Variants in TAS2R1 observed in about 807,000 individuals in gnomAD.
TAS2R1 encodes taste 2 receptor member 1.
For synonymous variants in TAS2R1, 141 were observed against 134.2 expected (o/e 1.05, Z -0.35); for missense variants, 370 against 353.4 (o/e 1.05, Z -0.38).
the TAS2R1 span, among the ~76,000 whole-genome samples, chr5:9,728,710 C>T: frequency 6.6e-6 from 1 of 152,136 alleles, no homozygotes; most frequent in Non-Finnish European, 1.5e-5. Flanking sequence ...GAGAGCGAAA[C>T]CCAAGGGCAA....
the TAS2R1 span, among the ~76,000 whole-genome samples, chr5:9,899,443 C>T: frequency 1.3e-5 from 2 of 152,068 alleles, no homozygotes; most frequent in Non-Finnish European, 2.9e-5. Flanking sequence ...TCAAGACCAG[C>T]CTAACCAATA....
chr5:9,865,262 C>G, the TAS2R1 span, among the ~76,000 whole-genome samples: 1 of 152,120 alleles, frequency 6.6e-6, no homozygotes, highest in Non-Finnish European at 1.5e-5. Flanking sequence ...CTAGTGATAT[C>G]CAGGATGTAA....
At chr5:9,781,304 C>T in the TAS2R1 span, among the ~76,000 whole-genome samples, 1 of 152,178 alleles carries the variant, frequency 6.6e-6, no homozygotes, top group Non-Finnish European at 1.5e-5. Context: ...TCCTTGGCTC[C>T]TCTCATTCAC....
At chr5:9,829,466 T>C in the TAS2R1 span, among the ~76,000 whole-genome samples, 2 of 152,176 alleles carry the variant, frequency 1.3e-5, no homozygotes. Flanking sequence ...TTTGTGACCA[T>C]AGACAAGGGC....
the TAS2R1 span, among the ~76,000 whole-genome samples, chr5:9,822,749 T>C: frequency 3.3e-5 from 5 of 152,212 alleles, no homozygotes; most frequent in African/African-American, 1.2e-4. Context: ...GTTTATTGCA[T>C]ATTAATGTAT....
chr5:9,633,302 A>AT (rs1395953122), upstream of TAS2R1, among the ~76,000 whole-genome samples: 41 of 114,068 alleles, frequency 3.6e-4, 1 homozygote, highest in African/African-American at 1.6e-3. Flanking sequence ...TATTATATAT[A>AT]TATATATATA....
upstream of TAS2R1, among the ~76,000 whole-genome samples, chr5:9,630,724 T>G (rs894662600): frequency 6.6e-6 from 1 of 152,212 alleles, no homozygotes; most frequent in Non-Finnish European, 1.5e-5. Flanking sequence ...CTCAGCACTG[T>G]TCACCCTGGT....
chr5:9,767,598 C>T, the TAS2R1 span, among the ~76,000 whole-genome samples: 1 of 152,154 alleles, frequency 6.6e-6, no homozygotes, highest in Non-Finnish European at 1.5e-5. Context: ...CCCGTAACCA[C>T]AGTCTGTTTC....
the TAS2R1 span, among the ~76,000 whole-genome samples, chr5:9,748,454 T>C: frequency 6.6e-6 from 1 of 152,172 alleles, no homozygotes; most frequent in African/African-American, 2.4e-5. Flanking sequence ...GATGGGGTAG[T>C]TGATAAATAA....
the TAS2R1 span, among the ~76,000 whole-genome samples, chr5:9,725,899 C>T: frequency 5.3e-4 from 79 of 150,158 alleles, 1 homozygote; most frequent in East Asian, 0.013. Context: ...CCAGTGGACA[C>T]TCTGTATCTA....
the TAS2R1 span, among the ~76,000 whole-genome samples, chr5:9,837,936 AAGAC>A: frequency 3.3e-5 from 5 of 152,162 alleles, no homozygotes; most frequent in African/African-American, 1.2e-4. Flanking sequence ...GCCATTGAGT[AAGAC>A]AGTCTGTGTC....
chr5:9,741,184 G>A, the TAS2R1 span, among the ~76,000 whole-genome samples: 1 of 152,142 alleles, frequency 6.6e-6, no homozygotes, highest in Non-Finnish European at 1.5e-5. Context: ...CGGAGGTGGG[G>A]CTAGAACACA....
upstream of TAS2R1, among the ~76,000 whole-genome samples, chr5:9,630,856 T>A (rs1247207209): frequency 1.3e-5 from 2 of 152,190 alleles, no homozygotes; most frequent in African/African-American, 4.8e-5. Context: ...TAATACATGA[T>A]TAAATTTGTT....
chr5:9,866,244 A>T, the TAS2R1 span, among the ~76,000 whole-genome samples: 210 of 152,182 alleles, frequency 1.4e-3, no homozygotes, highest in Non-Finnish European at 2.6e-3. Flanking sequence ...TGGAATTTTT[A>T]TGGTTTCTGG....
intron 1 of TAS2R1, among the ~76,000 whole-genome samples, chr5:9,702,371 G>A (rs1741505868): frequency 6.6e-6 from 1 of 152,130 alleles, no homozygotes; most frequent in Admixed American, 6.6e-5. Flanking sequence ...GGTTGGGGGA[G>A]AGGGTTGCAA....
At chr5:9,771,821 G>T in the TAS2R1 span, among the ~76,000 whole-genome samples, 1 of 151,926 alleles carries the variant, frequency 6.6e-6, no homozygotes, top group Admixed American at 6.6e-5. Context: ...AGCCTCTAAT[G>T]ATCACTTGAA....
At chr5:9,844,749 G>A in the TAS2R1 span, among the ~76,000 whole-genome samples, 1 of 151,962 alleles carries the variant, frequency 6.6e-6, no homozygotes, top group African/African-American at 2.4e-5. Context: ...TTTTGTAATA[G>A]ATGAACTTTT....
At chr5:9,900,621 T>G in the TAS2R1 span, among the ~76,000 whole-genome samples, 1 of 144,580 alleles carries the variant, frequency 6.9e-6, no homozygotes, top group Non-Finnish European at 1.5e-5. Context: ...TCAAATGGTT[T>G]TTTTTTTTTT....
upstream of TAS2R1, among the ~76,000 whole-genome samples, chr5:9,632,307 T>A (rs1441262977): frequency 6.6e-6 from 1 of 152,246 alleles, no homozygotes; most frequent in East Asian, 1.9e-4. Context: ...ATGCTAATGA[T>A]CATCTGAGCT....
Sources: gnomAD v4.1 joint callset for allele counts (sites outside exome capture counted in the v4.1 genomes callset) on GRCh38, gnomAD v4.1.1 for gene constraint, MANE v1.5 for transcripts, NCBI Gene and HGNC (gene_info 2026-07-23, HGNC 2026-07-21) for gene names.